RBM33: variants seen among roughly 807,000 people sequenced by gnomAD.
RBM33 encodes the protein RNA-binding protein 33.
In RBM33, 28 loss-of-function variants were observed where a neutral mutation model predicts 132.6. The observed-to-expected ratio is 0.21, with a 90% CI of 0.16 to 0.29. The LOEUF (loss-of-function observed/expected upper bound fraction) is 0.29. Among genes scored for constraint, RBM33 ranks in the 10% least tolerant of loss-of-function variants. The pLI is 1.00. For missense variants in RBM33, 1,291 were observed against 1,518.5 expected (o/e 0.85, Z 2.49); for synonymous variants, 634 against 593.0 (o/e 1.07, Z -1.01).
At chr7:155,696,159 A>G (rs1234942544) in intron 5 of RBM33, among the ~76,000 whole-genome samples, 1 of 152,220 alleles carries the variant, frequency 6.6e-6, no homozygotes, top group South Asian at 2.1e-4. Flanking sequence ...TGATTACTGT[A>G]ACATGAAAGC....
chr7:155,702,986 C>T (rs1200032485), intron 6 of RBM33, among the ~76,000 whole-genome samples: 1 of 152,132 alleles, frequency 6.6e-6, no homozygotes, highest in East Asian at 1.9e-4. Context: ...TTTCATGGCT[C>T]GTCTTTCCTC....
intron 5 of RBM33, among the ~76,000 whole-genome samples, chr7:155,696,501 A>G (rs1799798467): frequency 6.6e-6 from 1 of 152,154 alleles, no homozygotes; most frequent in Non-Finnish European, 1.5e-5. Context: ...TGTTAGGGGG[A>G]AAATGTTTAT....
At chr7:155,714,512 C>G (rs1800402521) in intron 8 of RBM33, among the ~76,000 whole-genome samples, 1 of 152,220 alleles carries the variant, frequency 6.6e-6, no homozygotes, top group Non-Finnish European at 1.5e-5. Flanking sequence ...TGGAGCTGAA[C>G]TCCCTGAGAA....
intron 5 of RBM33, among the ~76,000 whole-genome samples, chr7:155,683,576 C>T (rs1185858337): frequency 1.4e-4 from 22 of 152,034 alleles, no homozygotes; most frequent in Non-Finnish European, 1.0e-4. Flanking sequence ...TTTGCTGTTC[C>T]CTATGAAGAA....
At chr7:155,758,066 G>A (rs540269173) in intron 14 of RBM33, among the ~76,000 whole-genome samples, 1 of 152,238 alleles carries the variant, frequency 6.6e-6, no homozygotes, top group East Asian at 1.9e-4. Flanking sequence ...TTTGGGGAGG[G>A]ACAAAATACC....
chr7:155,733,052 G>A (rs939654128), intron 9 of RBM33, among the ~76,000 whole-genome samples: 1 of 152,170 alleles, frequency 6.6e-6, no homozygotes, highest in African/African-American at 2.4e-5. Flanking sequence ...GTGAAGCAGG[G>A]TCAGGAGGAG....
At chr7:155,685,141 T>G in intron 5 of RBM33, 2 of 1,312,736 alleles carry the variant, frequency 1.5e-6, no homozygotes, top group Non-Finnish European at 2.1e-6. Flanking sequence ...TTAGCGAAAG[T>G]CGATACGTAT....
intron 1 of RBM33, among the ~76,000 whole-genome samples, chr7:155,654,884 CAGAT>C (rs1798450881): frequency 6.6e-6 from 1 of 152,158 alleles, no homozygotes; most frequent in Admixed American, 6.5e-5. Context: ...CATGTGTGCA[CAGAT>C]AAACATTGGT....
chr7:155,727,858 C>T (rs958306333), intron 9 of RBM33, among the ~76,000 whole-genome samples: 2 of 152,202 alleles, frequency 1.3e-5, no homozygotes, highest in African/African-American at 2.4e-5. Context: ...CCCGGCTTCC[C>T]GGGCTCAGGT....
intron 8 of RBM33, among the ~76,000 whole-genome samples, chr7:155,717,551 A>C: frequency 6.7e-6 from 1 of 150,120 alleles, no homozygotes; most frequent in South Asian, 2.1e-4. Flanking sequence ...GGGGGGAGGG[A>C]GTTGCAAACA....
At chr7:155,744,018 C>T (rs1319579968) in intron 13 of RBM33, among the ~76,000 whole-genome samples, 1 of 152,160 alleles carries the variant, frequency 6.6e-6, no homozygotes. Context: ...GAATTGCTTC[C>T]AGGACGACAA....
At position 155,694,521 on chromosome 7, in the gene RBM33, A is replaced by G. The variant is rs115671030; in HGVS notation, c.568-6252A>G. On this transcript the variant is annotated intron_variant, in intron 5 of 17. Transcript: ENST00000401878. ...GTGTACAGTAAGTTTTGATACATGTATACATCCAAGTTACCATCCCTTGGT... is the reference window on the plus strand; with the variant it reads ...GTGTACAGTAAGTTTTGATACATGTGTACATCCAAGTTACCATCCCTTGGT... Among the ~76,000 whole-genome samples the G allele has an allele frequency of 1.4e-3, 215 of 152,342 alleles. 4 individuals are homozygous for G. The highest frequency in any genetic ancestry group is 4.9e-3 in the African/African-American group (205 of 41,580).
intron 2 of RBM33, among the ~76,000 whole-genome samples, chr7:155,667,935 T>C (rs942132730): frequency 1.5e-4 from 23 of 152,210 alleles, no homozygotes; most frequent in African/African-American, 5.5e-4. Flanking sequence ...TATCAGCATA[T>C]AGCCAATCTC....
intron 14 of RBM33, 86 bp from the exon 15 acceptor site, chr7:155,763,726 C>A: frequency 7.9e-7 from 1 of 1,263,750 alleles, no homozygotes; most frequent in Non-Finnish European, 1.1e-6. Flanking sequence ...TGGGTGAACA[C>A]TGGCTGAGGT....
chr7:155,756,540 C>G (rs1801857047), intron 14 of RBM33, among the ~76,000 whole-genome samples: 1 of 152,192 alleles, frequency 6.6e-6, no homozygotes, highest in Non-Finnish European at 1.5e-5. Flanking sequence ...CCACATTGAT[C>G]CTGCCATATA....
chr7:155,771,791 G>T (rs1000079528), intron 16 of RBM33, among the ~76,000 whole-genome samples: 1 of 152,124 alleles, frequency 6.6e-6, no homozygotes, highest in African/African-American at 2.4e-5. Flanking sequence ...GAGTGCAGTG[G>T]TATGATCCTG....
Position 155,745,661 on chromosome 7 carries a change from C to A in RBM33, c.2979+59C>A. On this transcript the variant is annotated intron_variant, in intron 14 of 17. Coordinates refer to ENST00000401878, the MANE Select transcript of RBM33 (RefSeq NM_053043.3). The surrounding 1 kb of genome is among the most constrained non-coding windows in gnomAD (Gnocchi z 4.1). ...GTCTGTGTATCACATAGAATGTCCT[C>A]ATTTGCAGAGAATGTTTTTGAAGAA... 2 of 1,395,166 alleles carry A rather than the reference C, an allele frequency of 1.4e-6. No homozygotes were observed. The highest frequency in any genetic ancestry group is 1.9e-6 in the Non-Finnish European group (2 of 1,040,734). The allele number at this position is 1,395,166 out of a possible 1,614,324, so 86.4% of individuals were successfully genotyped here.
At chr7:155,660,437 G>A (rs6954802) in intron 1 of RBM33, among the ~76,000 whole-genome samples, 97,789 of 152,012 alleles carry the variant, frequency 0.64, 32,342 homozygotes, top group South Asian at 0.76. Flanking sequence ...TATATTTTTT[G>A]GGGATACAAT....
At chr7:155,729,982 C>A (rs1432364685) in intron 9 of RBM33, among the ~76,000 whole-genome samples, 1 of 152,174 alleles carries the variant, frequency 6.6e-6, no homozygotes, top group African/African-American at 2.4e-5. Context: ...TCTCCCTGTG[C>A]TTTGTGGGCA....
Sources: allele counts gnomAD v4.1 joint callset (sites outside exome capture counted in the v4.1 genomes callset), GRCh38; gene constraint gnomAD v4.1.1; non-coding constraint Gnocchi (gnomAD v3.1); transcripts MANE v1.5; gene names NCBI Gene and HGNC (gene_info 2026-07-23, HGNC 2026-07-21).